The following OSBPL2 variants were observed in gnomAD, a reference collection of about 807,000 sequenced individuals.
OSBPL2 encodes oxysterol binding protein like 2.
Under a neutral mutation model 58.4 loss-of-function variants are expected in OSBPL2, and 18 were observed. That is an observed-to-expected ratio of 0.31 (90% confidence interval 0.21 to 0.46). The LOEUF (loss-of-function observed/expected upper bound fraction) is 0.46, where lower values mean the gene tolerates loss of function less well. Ranked by LOEUF, OSBPL2 falls within the 20% of genes least tolerant of loss-of-function variation. The pLI is 1.00. For missense variants in OSBPL2, 461 were observed against 616.5 expected (o/e 0.75, Z 2.67); for synonymous variants, 221 against 234.1 (o/e 0.94, Z 0.51).
At chr20:62,281,013 T>G (rs749015412) in intron 7 of OSBPL2, 45 bp from the exon 8 acceptor site, 1 of 1,495,138 alleles carries the variant, frequency 6.7e-7, no homozygotes, top group South Asian at 1.1e-5. Flanking sequence ...CGTCGTGTCT[T>G]GGCTTTTCTG....
At chr20:62,260,832 TTAAAA>T (rs1243480508) in intron 3 of OSBPL2, among the ~76,000 whole-genome samples, 2 of 150,542 alleles carry the variant, frequency 1.3e-5, no homozygotes, top group Non-Finnish European at 3.0e-5. Flanking sequence ...TAGAAAAAAA[TTAAAA>T]TAATTAGCTG....
intron 1 of OSBPL2, among the ~76,000 whole-genome samples, chr20:62,252,460 CTCAG>C (rs1219062260): frequency 6.6e-6 from 1 of 152,164 alleles, no homozygotes; most frequent in Non-Finnish European, 1.5e-5. Flanking sequence ...GAAGTGGCTG[CTCAG>C]TCAAAGTCAC....
intron 9 of OSBPL2, among the ~76,000 whole-genome samples, chr20:62,283,817 GGGCTGTCCATCCTTTA>G (rs1982938767): frequency 6.6e-6 from 1 of 152,104 alleles, no homozygotes; most frequent in Non-Finnish European, 1.5e-5. Flanking sequence ...GCAGCCCGGT[GGGCTGTCCATCCTTTA>G]GGTTTCCGGC....
intron 5 of OSBPL2, among the ~76,000 whole-genome samples, chr20:62,272,948 C>T (rs888225134): frequency 6.6e-6 from 1 of 152,284 alleles, no homozygotes; most frequent in African/African-American, 2.4e-5. Context: ...AACGTGTGCA[C>T]GTGTGTGCGC....
intron 2 of OSBPL2, among the ~76,000 whole-genome samples, chr20:62,259,702 G>A (rs558770229): frequency 1.3e-3 from 205 of 152,330 alleles, no homozygotes; most frequent in African/African-American, 4.5e-3. Context: ...GGAAGATGAA[G>A]CTCATGGCCT....
chr20:62,293,920 G>A lies in OSBPL2; in HGVS notation c.*33G>A, dbSNP rs771862132. On this transcript the variant is annotated 3_prime_UTR_variant, in exon 14 of 14. Coordinates refer to ENST00000313733, the MANE Select transcript of OSBPL2 (RefSeq NM_144498.4). ...GAGGGGCCTGGGGCCCGGGACCGGA[G>A]GCTGACGAGGCTGGACTTCCTCGAG... The A allele has an allele frequency of 1.6e-5, 26 of 1,605,342 alleles. No individual in the cohort carries two copies. Among genetic ancestry groups the A allele is most frequent in the African/African-American group, 2.7e-5 (2 of 74,454 alleles).
intron 2 of OSBPL2, among the ~76,000 whole-genome samples, chr20:62,257,549 C>T (rs756359121): frequency 1.6e-4 from 25 of 152,100 alleles, no homozygotes; most frequent in African/African-American, 3.9e-4. Context: ...TCCCACACAG[C>T]GGAGGGATTG....
intron 1 of OSBPL2, among the ~76,000 whole-genome samples, chr20:62,243,483 C>T (rs373697505): frequency 3.3e-5 from 5 of 151,838 alleles, no homozygotes; most frequent in South Asian, 2.1e-4. Context: ...CCGGCAGCTC[C>T]GCCTCTTCAG....
chr20:62,253,745 AG>A (rs960452706), intron 1 of OSBPL2, among the ~76,000 whole-genome samples: 1 of 125,736 alleles, frequency 8.0e-6, no homozygotes, highest in East Asian at 2.7e-4. Flanking sequence ...AGGCAAAGGG[AG>A]GGGGAGAGAG....
intron 4 of OSBPL2, among the ~76,000 whole-genome samples, chr20:62,266,272 C>T (rs6121968): frequency 0.022 from 3,295 of 152,284 alleles, 46 homozygotes; most frequent in Non-Finnish European, 0.031. Flanking sequence ...AGTAGAAAGG[C>T]GCTGGGAGGG....
At chr20:62,262,984 C>T (rs1875069529) in intron 3 of OSBPL2, among the ~76,000 whole-genome samples, 1 of 152,172 alleles carries the variant, frequency 6.6e-6, no homozygotes, top group South Asian at 2.1e-4. Context: ...AGGCGCTCCC[C>T]TCCTAGATGG....
intron 1 of OSBPL2, among the ~76,000 whole-genome samples, chr20:62,255,512 T>C (rs1428462019): frequency 1.3e-5 from 2 of 152,180 alleles, no homozygotes; most frequent in African/African-American, 2.4e-5. Context: ...TTTATTTGTT[T>C]ATTTATTTCG....
intron 4 of OSBPL2, among the ~76,000 whole-genome samples, chr20:62,268,551 C>T (rs534392323): frequency 6.8e-4 from 103 of 152,218 alleles, no homozygotes; most frequent in African/African-American, 2.4e-3. Context: ...TTTTAAAATT[C>T]AATAGTATAT....
At chr20:62,280,071 CGACA>C in intron 7 of OSBPL2, 1 of 1,304,322 alleles carries the variant, frequency 7.7e-7, no homozygotes, top group Non-Finnish European at 1.0e-6. Flanking sequence ...CGCTAAGACC[CGACA>C]GACACAGACC....
intron 6 of OSBPL2, 130 bp from the exon 7 acceptor site, chr20:62,279,027 C>T (rs1465126588): frequency 2.7e-5 from 19 of 710,306 alleles, no homozygotes; most frequent in African/African-American, 1.6e-4. Flanking sequence ...TGGGTGTTTC[C>T]GCCACATGTT....
intron 1 of OSBPL2, among the ~76,000 whole-genome samples, chr20:62,249,434 G>A (rs546790305): frequency 5.9e-5 from 9 of 152,168 alleles, no homozygotes; most frequent in Admixed American, 2.6e-4. Context: ...TGAGATCTGC[G>A]CGTGGAAGAA....
chr20:62,254,891 TAGC>T (rs1980817302), intron 1 of OSBPL2, among the ~76,000 whole-genome samples: 1 of 152,246 alleles, frequency 6.6e-6, no homozygotes. Context: ...CTAACTTACA[TAGC>T]AGCCTCAATT....
At position 62,296,081 on chromosome 20, in the gene OSBPL2, T is replaced by C. The variant is rs1983840889; in HGVS notation, c.*2194T>C. The C allele has an allele frequency of 6.6e-6, 1 of 152,268 alleles. No homozygotes were observed. The highest frequency in any genetic ancestry group is 2.4e-5 in the African/African-American group (1 of 41,472). The allele number at this position is 152,268 out of a possible 1,614,324, so 9.4% of individuals were successfully genotyped here. A position where few individuals can be genotyped will look rare whatever the true frequency, so the allele number is the denominator to read the frequency against. The stretch of plus-strand genomic sequence containing the variant: ...ATTTTAACTTTTTACTACTTTTTGT[T>C]ACTGTTTCTGCAAATGCTAACACAT... On this transcript the variant is annotated 3_prime_UTR_variant, in exon 14 of 14. Coordinates refer to ENST00000313733, the MANE Select transcript of OSBPL2 (RefSeq NM_144498.4).
intron 9 of OSBPL2, 61 bp downstream of exon 9, chr20:62,281,940 G>C (rs952914556): frequency 1.1e-5 from 12 of 1,122,078 alleles, no homozygotes; most frequent in Non-Finnish European, 1.6e-5. Context: ...CGTTAGAAGG[G>C]CTCAGGTGCT....
Sources: allele counts gnomAD v4.1 joint callset (sites outside exome capture counted in the v4.1 genomes callset), GRCh38; gene constraint gnomAD v4.1.1; transcripts MANE v1.5; gene names NCBI Gene and HGNC (gene_info 2026-07-23, HGNC 2026-07-21).